The following SEC13 variants were observed in gnomAD, a reference collection of about 807,000 sequenced individuals.
SEC13 encodes the protein SEC13 homolog, nuclear pore and COPII component, also known as protein SEC13 homolog.
A neutral mutation model predicts 49.2 loss-of-function variants in SEC13; 25 were observed. The ratio of observed to expected loss-of-function variants is 0.51; its 90% CI spans 0.37 to 0.71. SEC13 has a LOEUF of 0.71. Among genes scored for constraint, SEC13 ranks in the 30% least tolerant of loss-of-function variants. SEC13 has a pLI of 0.00. For synonymous variants in SEC13, 148 were observed against 163.9 expected (o/e 0.90, Z 0.74); for missense variants, 383 against 417.6 (o/e 0.92, Z 0.72).
Position 10,315,353 on chromosome 3 carries a change from A to C in SEC13, c.132T>G (p.Asn44Lys). ...GGTCGGCGATAAGGATCTGCCCTCC[A>C]TTGCGCACATCAAAGATTTTGACGG... is the stretch of plus-strand genomic sequence containing the variant. ...DRSVKIFDVR[N>K]GGQILIADLR... is the part of the protein sequence containing the mutation. Residue 44 changes from asparagine (N) to lysine (K), a missense_variant, in exon 3 of 9, where the codon AAT becomes AAG. Coordinates refer to ENST00000350697, the MANE Select transcript of SEC13 (RefSeq NM_183352.3). The C allele has an allele frequency of 1.2e-6, 2 of 1,613,854 alleles. No homozygotes were observed. The highest frequency in any genetic ancestry group is 1.7e-6 in the Non-Finnish European group (2 of 1,179,924).
Position 10,305,694 on chromosome 3 carries a change from T to G in SEC13, c.451-2A>C. 1 of 1,614,186 alleles carries G rather than the reference T, an allele frequency of 6.2e-7. No individual in the cohort carries two copies. Among genetic ancestry groups the G allele is most frequent in the Non-Finnish European group, 8.5e-7 (1 of 1,180,008 alleles). ...CCAGCTGACGGCATTGCAGCCAATC[T>G]GTAAAGATGGGACACATGGTGACTC... On this transcript the variant is annotated splice_acceptor_variant, in intron 5 of 8. Transcript: ENST00000350697. LOFTEE classifies it high-confidence loss of function.
rs1700461998 is a variant in SEC13, at chr3:10,300,976, C to G, written c.*285G>C. On this transcript the variant is annotated 3_prime_UTR_variant, in exon 9 of 9. Transcript: ENST00000350697. ...TTTAGTTCCTTTGGAAACAAAACCC[C>G]CCAAATAATGCCTGAACCCAAAGGT... The G allele has an allele frequency of 2.7e-6, 3 of 1,126,816 alleles. No homozygotes were observed. Among genetic ancestry groups the G allele is most frequent in the South Asian group, 2.8e-5 (2 of 70,610 alleles). The allele number at this position is 1,126,816 out of a possible 1,614,324, so 69.8% of individuals were successfully genotyped here.
At position 10,305,021 on chromosome 3, in the gene SEC13, C is replaced by T. The variant is rs757309755; in HGVS notation, c.708+12G>A. Reference sequence around the variant, plus strand: ...ACTAAATGACAAGGGATACTCATGGCCCTGGGCTGACCTGGGAGCAGCTGG... The same window carrying T: ...ACTAAATGACAAGGGATACTCATGGTCCTGGGCTGACCTGGGAGCAGCTGG... On this transcript the variant is annotated intron_variant, in intron 7 of 8. Coordinates refer to ENST00000350697, the MANE Select transcript of SEC13 (RefSeq NM_183352.3). 4.3e-6 allele frequency: 7 copies of T among 1,614,002 alleles called. No individual in the cohort carries two copies. In the Admixed American group the frequency reaches 1.0e-4, roughly 23 times the overall value.
intron 3 of SEC13, chr3:10,313,497 A>G (rs935194948): frequency 3.3e-5 from 17 of 515,746 alleles, no homozygotes; most frequent in Admixed American, 2.6e-4. Context: ...GCTTGGTAGA[A>G]GGAAAGAAAA....
At chr3:10,306,915 GGTAT>G (rs1355156760) in intron 5 of SEC13, among the ~76,000 whole-genome samples, 2 of 152,070 alleles carry the variant, frequency 1.3e-5, no homozygotes, top group East Asian at 3.9e-4. Context: ...CTCAGTCTTG[GGTAT>G]GTCTTTGCCA....
In SEC13 at chr3:10,304,122, C is replaced by G; in HGVS notation, c.759G>C (p.Trp253Cys). ...WTCDDASSNTWSPKLLHKFND... is the reference protein window; with the variant it reads ...WTCDDASSNTCSPKLLHKFND... The stretch of plus-strand genomic sequence containing the variant: ...TGAACTTGTGCAACAATTTAGGGGA[C>G]CACGTATTGCTTGAGGCATCATCAC... The change falls in exon 8 of 9, where the codon TGG (tryptophan) becomes TGC (cysteine). Residue 253 changes from tryptophan to cysteine, a missense_variant. By Grantham distance (215) the Trp-to-Cys change is radical (BLOSUM62 -2). Transcript: ENST00000350697. 6.2e-7 allele frequency: 1 copy of G among 1,614,144 alleles called. No homozygotes were observed. Among genetic ancestry groups the G allele is most frequent in the Non-Finnish European group, 8.5e-7 (1 of 1,180,010 alleles).
At chr3:10,303,808 C>G (rs1350470004) in intron 8 of SEC13, 1 of 583,746 alleles carries the variant, frequency 1.7e-6, no homozygotes, top group African/African-American at 1.9e-5. Context: ...CAAATCGCCT[C>G]TGTCAGCTTC....
intron 5 of SEC13, chr3:10,311,602 G>A (rs1315293808): frequency 9.6e-7 from 1 of 1,038,904 alleles, no homozygotes; most frequent in Non-Finnish European, 1.2e-6. Context: ...TTAAATGTAT[G>A]CATAGCTCAC....
intron 5 of SEC13, 198 bp from the exon 6 acceptor site, chr3:10,305,890 G>A (rs1237710006): frequency 6.4e-6 from 3 of 470,238 alleles, no homozygotes; most frequent in Non-Finnish European, 1.1e-5. Flanking sequence ...TCTGCAGTGT[G>A]CGCTAAAAGT....
intron 5 of SEC13, among the ~76,000 whole-genome samples, chr3:10,307,065 A>T (rs241504): frequency 0.26 from 36,292 of 140,798 alleles, 4,834 homozygotes; most frequent in African/African-American, 0.35. Flanking sequence ...TTTTTTTTTT[A>T]AAAATTGAGA....
chr3:10,304,223 T>A (rs1266954524), intron 7 of SEC13, 51 bp from the exon 8 acceptor site: 4 of 1,590,492 alleles, frequency 2.5e-6, no homozygotes, highest in Non-Finnish European at 3.4e-6. Flanking sequence ...CTCCTGCGTT[T>A]GTGATGTGAT....
rs1700690609 is a variant in SEC13, at chr3:10,303,795, A to C, written c.855+231T>G. ...CTCATAGTTTTGGGACCCCCATGCAAGTCAAATCGCCTCTGTCAGCTTCTT... is the reference window on the plus strand; with the variant it reads ...CTCATAGTTTTGGGACCCCCATGCACGTCAAATCGCCTCTGTCAGCTTCTT... On this transcript the variant is annotated intron_variant, in intron 8 of 8. Coordinates refer to ENST00000350697, the MANE Select transcript of SEC13 (RefSeq NM_183352.3). The C allele has an allele frequency of 1.6e-5, 9 of 558,344 alleles. No homozygotes were observed. In the South Asian group the frequency reaches 1.7e-4, roughly 11 times the overall value. 34.6% of individuals were successfully genotyped at this position (558,344 alleles called of 1,614,324 possible).
intron 5 of SEC13, among the ~76,000 whole-genome samples, chr3:10,310,380 G>T (rs471733): frequency 6.6e-6 from 1 of 151,990 alleles, no homozygotes; most frequent in Non-Finnish European, 1.5e-5. Flanking sequence ...AATTCCAGCT[G>T]CTCAAGAGGC....
At chr3:10,314,153 C>T (rs1701459527) in intron 3 of SEC13, among the ~76,000 whole-genome samples, 1 of 152,078 alleles carries the variant, frequency 6.6e-6, no homozygotes, top group Non-Finnish European at 1.5e-5. Flanking sequence ...TTCACCCTGT[C>T]ATCCAGGCTG....
At chr3:10,314,222 C>T (rs1177048611) in intron 3 of SEC13, among the ~76,000 whole-genome samples, 1 of 152,192 alleles carries the variant, frequency 6.6e-6, no homozygotes, top group East Asian at 1.9e-4. Flanking sequence ...TCAGGCCATC[C>T]TCCCACCTCA....
intron 6 of SEC13, 34 bp downstream of exon 6, chr3:10,305,524 TC>T (rs1405698094): frequency 2.5e-6 from 4 of 1,609,404 alleles, no homozygotes; most frequent in Admixed American, 3.3e-5. Flanking sequence ...GGTAGAAGTG[TC>T]CCCTCAAAGA....
rs1559492580 is a variant in SEC13 at position 10,305,707 on chromosome 3, C to T, written c.451-15G>A. On this transcript the variant is annotated splice_polypyrimidine_tract_variant and intron_variant, in intron 5 of 8. Coordinates refer to ENST00000350697, the MANE Select transcript of SEC13 (RefSeq NM_183352.3). ...TTGCAGCCAATCTGTAAAGATGGGACACATGGTGACTCTGCCTTGCAAGAG... is the reference window on the plus strand; with the variant it reads ...TTGCAGCCAATCTGTAAAGATGGGATACATGGTGACTCTGCCTTGCAAGAG... The T allele has an allele frequency of 1.2e-6, 2 of 1,613,916 alleles. No homozygotes were observed. The highest frequency in any genetic ancestry group is 1.7e-6 in the Non-Finnish European group (2 of 1,179,810).
chr3:10,304,236 C>T, intron 7 of SEC13, 64 bp from the exon 8 acceptor site: 4 of 1,570,228 alleles, frequency 2.5e-6, no homozygotes, highest in South Asian at 2.3e-5. Flanking sequence ...GATGTGATGT[C>T]CTCCCAGTCT....
chr3:10,301,466 T>G (rs886603086), intron 8 of SEC13, 92 bp from the exon 9 acceptor site: 203 of 1,516,098 alleles, frequency 1.3e-4, no homozygotes, highest in Non-Finnish European at 1.7e-4. Flanking sequence ...CAAGAACCAC[T>G]GCCCAGAGGC....
Sources: allele counts gnomAD v4.1 joint callset (sites outside exome capture counted in the v4.1 genomes callset), GRCh38; gene constraint gnomAD v4.1.1; transcripts MANE v1.5; gene names NCBI Gene and HGNC (gene_info 2026-07-23, HGNC 2026-07-21).